SORCS2: variants seen among roughly 807,000 people sequenced by gnomAD.
The protein encoded by SORCS2 is VPS10 domain-containing receptor SorCS2.
A neutral mutation model predicts 141.6 loss-of-function variants in SORCS2; 100 were observed. The ratio of observed to expected loss-of-function variants is 0.71; its 90% CI spans 0.60 to 0.83. The LOEUF is 0.83. Ranked by LOEUF, SORCS2 falls within the 40% of genes least tolerant of loss-of-function variation. SORCS2 has a pLI of 0.00. For synonymous variants in SORCS2, 789 were observed against 676.9 expected, an observed-to-expected ratio of 1.17 and a Z score of -2.57; for missense variants, 1,646 against 1,560.2, an observed-to-expected ratio of 1.05 and a Z score of -0.93.
chr4:7,581,471 C>A (rs951831302), intron 3 of SORCS2, among the ~76,000 whole-genome samples: 1 of 152,104 alleles, frequency 6.6e-6, no homozygotes, highest in Non-Finnish European at 1.5e-5. Context: ...CCACAGTAGA[C>A]CCCATCCCAG....
chr4:7,512,052 C>G (rs1468254305), intron 2 of SORCS2, among the ~76,000 whole-genome samples: 1 of 152,152 alleles, frequency 6.6e-6, no homozygotes, highest in Admixed American at 6.5e-5. Context: ...ACACTGGTGC[C>G]TTTAGAATAG....
intron 3 of SORCS2, among the ~76,000 whole-genome samples, chr4:7,633,660 G>A (rs1034901152): frequency 2.0e-5 from 3 of 152,198 alleles, no homozygotes; most frequent in Non-Finnish European, 2.9e-5. Context: ...TATGCGTTTT[G>A]CTCTCCAGGC....
intron 1 of SORCS2, among the ~76,000 whole-genome samples, chr4:7,249,952 G>C (rs1713376491): frequency 6.6e-6 from 1 of 152,190 alleles, no homozygotes; most frequent in Admixed American, 6.5e-5. Context: ...CTCTAAGAAA[G>C]AGGGGTAGGC....
chr4:7,204,998 TTAAG>T (rs1727659217), intron 1 of SORCS2, among the ~76,000 whole-genome samples: 1 of 152,252 alleles, frequency 6.6e-6, no homozygotes, highest in Non-Finnish European at 1.5e-5. Flanking sequence ...CATTGACCAG[TTAAG>T]TAATTCAATT....
intron 2 of SORCS2, chr4:7,434,372 G>A (rs1378290700): frequency 2.5e-6 from 4 of 1,607,568 alleles, no homozygotes; most frequent in South Asian, 1.1e-5. Context: ...AAGGTAAGGG[G>A]CCCATTGGCC....
At chr4:7,700,095 G>GCTGCCCTC (rs1441015565) in intron 12 of SORCS2, among the ~76,000 whole-genome samples, 1 of 152,140 alleles carries the variant, frequency 6.6e-6, no homozygotes, top group African/African-American at 2.4e-5. Context: ...CCTGGACACA[G>GCTGCCCTC]CTGCCCTCCT....
intron 2 of SORCS2, among the ~76,000 whole-genome samples, chr4:7,503,495 TAGAG>T (rs10578553): frequency 0.26 from 39,686 of 151,552 alleles, 5,942 homozygotes; most frequent in South Asian, 0.44. Flanking sequence ...GGCAGAGACA[TAGAG>T]AGACAGAGAT....
chr4:7,288,175 C>T (rs999108413), intron 1 of SORCS2, among the ~76,000 whole-genome samples: 1 of 152,170 alleles, frequency 6.6e-6, no homozygotes, highest in Non-Finnish European at 1.5e-5. Flanking sequence ...TGCGGTGGCT[C>T]AGCCAGAACT....
intron 2 of SORCS2, chr4:7,430,315 G>A (rs1726747819): frequency 6.6e-6 from 1 of 150,790 alleles, no homozygotes; most frequent in South Asian, 2.1e-4. Context: ...ATTTGTATCT[G>A]GTTTGAAGTT....
rs923422033 is a variant in SORCS2, at chr4:7,714,336, T to G, written c.2086T>G (p.Ser696Ala). The change falls in exon 16 of 27, where the codon TCC becomes GCC. Residue 696 changes from serine (S) to alanine (A), a missense_variant. By Grantham distance (99) the Ser-to-Ala change is moderately conservative (BLOSUM62 1). Transcript: ENST00000507866. ...GAGGAGCTTCACGTCGGCGCTCACG[T>G]CCCGCGTGTGCGAGTGCCGGGACTC... ...KGRSFTSALT[S>A]RVCECRDSDF... The G allele has an allele frequency of 1.9e-6, 3 of 1,570,712 alleles. No homozygotes were observed. In the East Asian group the frequency reaches 7.1e-5, roughly 37 times the overall value.
intron 2 of SORCS2, among the ~76,000 whole-genome samples, chr4:7,439,761 G>T (rs1227205135): frequency 6.6e-6 from 1 of 152,184 alleles, no homozygotes; most frequent in Non-Finnish European, 1.5e-5. Flanking sequence ...GTGCTTCATT[G>T]TGTGGCTTTC....
At chr4:7,297,106 C>T (rs1042897749) in intron 1 of SORCS2, among the ~76,000 whole-genome samples, 1 of 152,158 alleles carries the variant, frequency 6.6e-6, no homozygotes, top group Non-Finnish European at 1.5e-5. Context: ...CTCCCCACCT[C>T]CCCTGGATGC....
intron 2 of SORCS2, among the ~76,000 whole-genome samples, chr4:7,426,866 C>G (rs1361143510): frequency 6.6e-6 from 1 of 152,194 alleles, no homozygotes; most frequent in Non-Finnish European, 1.5e-5. Flanking sequence ...TCCCAGAATC[C>G]ACATCTGCTC....
intron 2 of SORCS2, among the ~76,000 whole-genome samples, chr4:7,524,845 T>C (rs1733568726): frequency 6.6e-6 from 1 of 151,898 alleles, no homozygotes; most frequent in African/African-American, 2.4e-5. Flanking sequence ...TCCAAGAGTC[T>C]GAACTCTTCC....
intron 3 of SORCS2, among the ~76,000 whole-genome samples, chr4:7,553,286 A>AT (rs1009538346): frequency 8.6e-5 from 13 of 151,582 alleles, no homozygotes; most frequent in South Asian, 6.2e-4. Context: ...TCATATTCTG[A>AT]TTTTTTTTCT....
chr4:7,467,831 C>A (rs1729714421), intron 2 of SORCS2, among the ~76,000 whole-genome samples: 1 of 152,240 alleles, frequency 6.6e-6, no homozygotes, highest in Non-Finnish European at 1.5e-5. Flanking sequence ...TCCTCTGCAG[C>A]TTTCCTGGGT....
In SORCS2 at chr4:7,677,360, C is replaced by T. The variant is rs182386398; in HGVS notation, c.1341+1131C>T. On this transcript the variant is annotated intron_variant, in intron 9 of 26. Transcript: ENST00000507866. ...TCCTTTGTTCCTGAGATGCCATGGC[C>T]AGCGAGGGGGGCTACTTGACCCATG... Among the ~76,000 whole-genome samples the T allele has an allele frequency of 8.5e-5, 13 of 152,368 alleles. No individual in the cohort carries two copies. The South Asian group carries it at 1.9e-3, about 22-fold the overall frequency.
chr4:7,705,743 A>G (rs1725387349), intron 14 of SORCS2, among the ~76,000 whole-genome samples: 3 of 152,170 alleles, frequency 2.0e-5, no homozygotes, highest in Non-Finnish European at 4.4e-5. Flanking sequence ...CCAGCTGGCA[A>G]TGGGCCTTCA....
chr4:7,547,158 C>T (rs1291877878), intron 3 of SORCS2, among the ~76,000 whole-genome samples: 1 of 152,194 alleles, frequency 6.6e-6, no homozygotes, highest in Non-Finnish European at 1.5e-5. Context: ...CATGGGGACA[C>T]AGGGCTTCAG....
Sources: allele counts gnomAD v4.1 joint callset (sites outside exome capture counted in the v4.1 genomes callset), GRCh38; gene constraint gnomAD v4.1.1; transcripts MANE v1.5; gene names NCBI Gene and HGNC (gene_info 2026-07-23, HGNC 2026-07-21).